Variants in SAXO4 observed in about 807,000 individuals in gnomAD.
SAXO4 encodes protein phosphatase 1 regulatory subunit 32.
At chr11:61,487,306 A>G in the SAXO4 span, 2 of 1,348,678 alleles carry the variant, frequency 1.5e-6, no homozygotes, top group Non-Finnish European at 2.1e-6. Flanking sequence ...TGGGATAAGT[A>G]ATGAGCTCAC....
At chr11:61,485,542 G>A in the SAXO4 span, 1 of 830,228 alleles carries the variant, frequency 1.2e-6, no homozygotes. Context: ...CTGGAGGGAA[G>A]CGCCTCTCCC....
At chr11:61,490,343 A>G in the SAXO4 span, among the ~76,000 whole-genome samples, 218 of 152,174 alleles carry the variant, frequency 1.4e-3, 2 homozygotes, top group African/African-American at 4.7e-3. Flanking sequence ...TTATATCAAC[A>G]ATGGCCCAGA....
chr11:61,482,404 A>G, the SAXO4 span: 1 of 1,614,026 alleles, frequency 6.2e-7, no homozygotes. Flanking sequence ...GCCAGTCTGG[A>G]GGCCTTAGAC....
the SAXO4 span, chr11:61,489,931 AT>A: frequency 6.2e-7 from 1 of 1,611,292 alleles, no homozygotes; most frequent in Non-Finnish European, 8.5e-7. Flanking sequence ...CGGCACCTGC[AT>A]CCCCACGTGG....
the SAXO4 span, chr11:61,481,793 C>T: frequency 4.1e-6 from 6 of 1,452,530 alleles, no homozygotes; most frequent in East Asian, 2.7e-5. Flanking sequence ...CCCCCTGGGG[C>T]CCTGCCCCAC....
the SAXO4 span, chr11:61,481,923 G>C: frequency 6.4e-7 from 1 of 1,572,476 alleles, no homozygotes. Flanking sequence ...CCTACGGTGA[G>C]GGTGCCTTTG....
the SAXO4 span, among the ~76,000 whole-genome samples, chr11:61,484,298 G>T: frequency 6.6e-6 from 1 of 152,328 alleles, no homozygotes; most frequent in Non-Finnish European, 1.5e-5. Context: ...TGCAAATCGG[G>T]AGGGTCGGGA....
the SAXO4 span, chr11:61,486,234 GTCC>G: frequency 8.7e-7 from 1 of 1,152,894 alleles, no homozygotes; most frequent in Non-Finnish European, 1.3e-6. Context: ...TTTGAGCTGA[GTCC>G]TCCTCTGTGC....
At chr11:61,488,494 CAG>C in the SAXO4 span, among the ~76,000 whole-genome samples, 1 of 151,962 alleles carries the variant, frequency 6.6e-6, no homozygotes, top group African/African-American at 2.4e-5. Flanking sequence ...TTAGTAGAGA[CAG>C]GGTTTCACTG....
chr11:61,486,429 G>A, the SAXO4 span: 11 of 1,613,810 alleles, frequency 6.8e-6, no homozygotes, highest in South Asian at 1.1e-4. Flanking sequence ...GGGAGGCTGG[G>A]GACCGCCTGG....
the SAXO4 span, among the ~76,000 whole-genome samples, chr11:61,483,068 A>C: frequency 1.1e-3 from 146 of 128,210 alleles, 1 homozygote; most frequent in African/African-American, 4.1e-3. Flanking sequence ...TGAGCCTCAC[A>C]CTCCCGTCCA....
At chr11:61,485,466 C>T in the SAXO4 span, 1 of 1,458,800 alleles carries the variant, frequency 6.9e-7, no homozygotes, top group African/African-American at 1.4e-5. Flanking sequence ...CTTGCTACCC[C>T]AGGGGCCCTG....
At chr11:61,488,355 A>G in the SAXO4 span, among the ~76,000 whole-genome samples, 2 of 133,250 alleles carry the variant, frequency 1.5e-5, no homozygotes, top group Non-Finnish European at 3.1e-5. Flanking sequence ...TCCAGGCTGG[A>G]GTGCAGTGGT....
chr11:61,489,943 G>T, the SAXO4 span: 1 of 1,609,348 alleles, frequency 6.2e-7, no homozygotes, highest in Non-Finnish European at 8.5e-7. Context: ...CCCCACGTGG[G>T]AAGGTGGCAC....
the SAXO4 span, chr11:61,481,741 C>G: frequency 2.3e-6 from 2 of 882,186 alleles, no homozygotes; most frequent in East Asian, 3.1e-5. Context: ...GCTTCCGAGC[C>G]AGGCTTGGGA....
chr11:61,482,790 G>C, the SAXO4 span: 1 of 1,610,008 alleles, frequency 6.2e-7, no homozygotes, highest in Non-Finnish European at 8.5e-7. Flanking sequence ...AGCCCAGTGC[G>C]GGTCCCCCCA....
chr11:61,484,165 C>T, the SAXO4 span, among the ~76,000 whole-genome samples: 5 of 152,316 alleles, frequency 3.3e-5, no homozygotes, highest in East Asian at 9.6e-4. Context: ...ATTGATTGAA[C>T]TCAGGAGGTG....
At chr11:61,490,007 C>T in the SAXO4 span, 2 of 1,477,056 alleles carry the variant, frequency 1.4e-6, no homozygotes, top group Non-Finnish European at 1.8e-6. Context: ...TGTGCCAGGC[C>T]TTTCCCTTCC....
chr11:61,482,060 G>T, the SAXO4 span: 1 of 695,116 alleles, frequency 1.4e-6, no homozygotes, highest in Non-Finnish European at 2.4e-6. Flanking sequence ...CTGCCCGGCT[G>T]CTCCCTTCTC....
Sources: allele counts gnomAD v4.1 joint callset (sites outside exome capture counted in the v4.1 genomes callset), GRCh38; gene constraint gnomAD v4.1.1; transcripts MANE v1.5; gene names NCBI Gene and HGNC (gene_info 2026-07-23, HGNC 2026-07-21).